Variants in MANEAL observed in about 807,000 individuals in gnomAD.
MANEAL encodes glycoprotein endo-alpha-1,2-mannosidase-like protein.
MANEAL carries 28 observed loss-of-function variants against 35.9 expected under a neutral mutation model. The ratio of observed to expected loss-of-function variants is 0.78; its 90% CI spans 0.58 to 1.07. The LOEUF (loss-of-function observed/expected upper bound fraction) is 1.07, where lower values mean the gene tolerates loss of function less well. Among genes scored for constraint, MANEAL ranks in the 50% least tolerant of loss-of-function variants. The pLI is 0.00. For missense variants in MANEAL, 576 were observed against 629.6 expected, an observed-to-expected ratio of 0.91 and a Z score of 0.91; for synonymous variants, 286 against 272.2, an observed-to-expected ratio of 1.05 and a Z score of -0.50.
Position 37,794,508 on chromosome 1 carries a change from A to G in MANEAL, c.326A>G (p.Tyr109Cys), listed in dbSNP as rs1285446559. The G allele has an allele frequency of 1.2e-6, 2 of 1,609,410 alleles. No homozygotes were observed. Among genetic ancestry groups the G allele is most frequent in the Non-Finnish European group, 1.7e-6 (2 of 1,178,868 alleles). Residue 109 changes from tyrosine (Y) to cysteine (C), a missense_variant, in exon 1 of 4, where the codon TAC (tyrosine) becomes TGC (cysteine). Physicochemically the swap from Tyr to Cys is radical, Grantham distance 194. Coordinates refer to ENST00000373045, the MANE Select transcript of MANEAL (RefSeq NM_001113482.2). This position sits in a 1 kb window ranked among gnomAD's most constrained non-coding sequence, Gnocchi z 5.7. ...GTCTACTCGGACCTGCACGCCTTCT[A>G]CTACTCGTGGTACGGGAGCCCGCGG... is the stretch of plus-strand genomic sequence containing the variant. ...LRVYSDLHAF[Y>C]YSWYGSPRRE...
chr1:37,795,903 C>T (rs2148384643), intron 2 of MANEAL, 57 bp downstream of exon 2: 1 of 1,492,810 alleles, frequency 6.7e-7, no homozygotes. Flanking sequence ...AGTTGCTCTC[C>T]TCCGCCCACA....
chr1:37,800,263 G>T lies in MANEAL; in HGVS notation c.*60G>T. The T allele has an allele frequency of 1.3e-6, 2 of 1,576,746 alleles. No individual in the cohort carries two copies. Among genetic ancestry groups the T allele is most frequent in the South Asian group, 2.3e-5 (2 of 87,496 alleles). Reference sequence around the variant, plus strand: ...TTGCCTTGCTGGAAGATGTCACCATGTGGGGTTCAGCTGAGGTTGTAGCCA... The same window carrying T: ...TTGCCTTGCTGGAAGATGTCACCATTTGGGGTTCAGCTGAGGTTGTAGCCA... On this transcript the variant is annotated 3_prime_UTR_variant, in exon 4 of 4. Transcript: ENST00000373045.
At chr1:37,798,658 A>G (rs1481084935) in intron 3 of MANEAL, among the ~76,000 whole-genome samples, 2 of 152,116 alleles carry the variant, frequency 1.3e-5, no homozygotes, top group Admixed American at 6.5e-5. Flanking sequence ...ACTTGAGCCC[A>G]GGAGTTTGAG....
intron 3 of MANEAL, among the ~76,000 whole-genome samples, chr1:37,797,705 CTAAGG>C (rs1046139447): frequency 6.6e-6 from 1 of 152,112 alleles, no homozygotes; most frequent in Admixed American, 6.5e-5. Flanking sequence ...ACTTGGGGGG[CTAAGG>C]TGAGTGGATC....
Position 37,794,822 on chromosome 1 carries a change from C to T in MANEAL, c.550+90C>T. Reference sequence around the variant, plus strand: ...AGCTCCCTCTGGTCCTGTCACCGGCCCTTTGGTCCCACTTATCCGCCAGCC... The same window carrying T: ...AGCTCCCTCTGGTCCTGTCACCGGCTCTTTGGTCCCACTTATCCGCCAGCC... On this transcript the variant is annotated intron_variant, in intron 1 of 3. Coordinates refer to ENST00000373045, the MANE Select transcript of MANEAL (RefSeq NM_001113482.2). This position sits in a 1 kb window ranked among gnomAD's most constrained non-coding sequence, Gnocchi z 5.7. The T allele has an allele frequency of 1.2e-6, 1 of 868,854 alleles. No homozygotes were observed. The highest frequency in any genetic ancestry group is 1.8e-6 in the Non-Finnish European group (1 of 564,230). 53.8% of individuals were successfully genotyped at this position (868,854 alleles called of 1,614,324 possible). A position where few individuals can be genotyped will look rare whatever the true frequency, so the allele number is the denominator to read the frequency against.
chr1:37,799,262 TG>T lies in MANEAL; in HGVS notation c.738-302del, dbSNP rs1399586885. On this transcript the variant is annotated intron_variant, in intron 3 of 3. Coordinates refer to ENST00000373045, the MANE Select transcript of MANEAL (RefSeq NM_001113482.2). This position sits in a 1 kb window ranked among gnomAD's most constrained non-coding sequence, Gnocchi z 4.1. ...AGTAGGCAGGGCCAGATCAAGTAGG[TG>T]GGAATAATGAATGGATTATATGGAG... Among the ~76,000 whole-genome samples the T allele has an allele frequency of 6.6e-6, 1 of 151,612 alleles. No individual in the cohort carries two copies. The highest frequency in any genetic ancestry group is 1.5e-5 in the Non-Finnish European group (1 of 67,886).
chr1:37,798,162 CA>C (rs996976575), intron 3 of MANEAL, among the ~76,000 whole-genome samples: 1 of 150,242 alleles, frequency 6.7e-6, no homozygotes, highest in African/African-American at 2.5e-5. Flanking sequence ...AAAAAACAAA[CA>C]AAAAAAAAGA....
In MANEAL at chr1:37,799,543, G is replaced by A. The variant is rs368550620; in HGVS notation, c.738-24G>A. The A allele has an allele frequency of 6.2e-7, 1 of 1,604,244 alleles. No homozygotes were observed. The highest frequency in any genetic ancestry group is 1.3e-5 in the African/African-American group (1 of 74,754). On this transcript the variant is annotated intron_variant, in intron 3 of 3. Coordinates refer to ENST00000373045, the MANE Select transcript of MANEAL (RefSeq NM_001113482.2). The surrounding 1 kb of genome is among the most constrained non-coding windows in gnomAD (Gnocchi z 4.1). ...CTGTGCTGGTCTCTCCCATCCAGCT[G>A]AGGCTCTTCTTTCTCCTTCTCAGGT... is the stretch of plus-strand genomic sequence containing the variant.
intron 2 of MANEAL, among the ~76,000 whole-genome samples, chr1:37,796,204 G>A (rs749194954): frequency 2.9e-4 from 44 of 152,168 alleles, no homozygotes; most frequent in Non-Finnish European, 4.7e-4. Context: ...GCTGGACCTC[G>A]AGGAGTAGGC....
chr1:37,800,485 C>A lies in MANEAL; in HGVS notation c.*282C>A, dbSNP rs897801506. ...CATCCTGGGAACACTTTCATGTAAC[C>A]CCTTCTAGTTTTGAACTCTGCAGCA... On this transcript the variant is annotated 3_prime_UTR_variant, in exon 4 of 4. Transcript: ENST00000373045. The A allele has an allele frequency of 1.8e-5, 9 of 492,104 alleles. No individual in the cohort carries two copies. Among genetic ancestry groups the A allele is most frequent in the African/African-American group, 1.7e-4 (9 of 51,728 alleles). The allele number at this position is 492,104 out of a possible 1,614,324, so 30.5% of individuals were successfully genotyped here. A position where few individuals can be genotyped will look rare whatever the true frequency, so the allele number is the denominator to read the frequency against.
At chr1:37,795,401 G>A in intron 1 of MANEAL, 2 of 756,986 alleles carry the variant, frequency 2.6e-6, no homozygotes, top group African/African-American at 1.8e-5. Flanking sequence ...GGTTAGGGGT[G>A]CTTCTCTTCT....
chr1:37,794,744 C>G lies in MANEAL; in HGVS notation c.550+12C>G. On this transcript the variant is annotated intron_variant, in intron 1 of 3. Coordinates refer to ENST00000373045, the MANE Select transcript of MANEAL (RefSeq NM_001113482.2). This position sits in a 1 kb window ranked among gnomAD's most constrained non-coding sequence, Gnocchi z 5.7. ...GGAAGCCGCCATCGGTGAGCGCCCC[C>G]CACCCCGGGCGGCCCTGCCCCCCAG... The G allele has an allele frequency of 3.9e-6, 6 of 1,536,996 alleles. No individual in the cohort carries two copies. The highest frequency in any genetic ancestry group is 5.3e-6 in the Non-Finnish European group (6 of 1,141,664).
In MANEAL at chr1:37,799,721, G is replaced by T. The variant is rs1054222973; in HGVS notation, c.892G>T (p.Asp298Tyr). ...GPHSIRNTPY[D>Y]GVFIALLVEE... Reference sequence around the variant, plus strand: ...CCATTCGATCCGCAACACGCCCTACGATGGGGTCTTCATAGCGCTGCTGGT... The same window carrying T: ...CCATTCGATCCGCAACACGCCCTACTATGGGGTCTTCATAGCGCTGCTGGT... The change falls in exon 4 of 4, where the codon GAT (aspartate) becomes TAT (tyrosine). Residue 298 changes from aspartate (D) to tyrosine (Y), a missense_variant. Around this residue, in one of 3 missense-constraint regions of MANEAL, gnomAD observed 449 missense variants for 516.1 expected, o/e 0.87. Coordinates refer to ENST00000373045, the MANE Select transcript of MANEAL (RefSeq NM_001113482.2). This position sits in a 1 kb window ranked among gnomAD's most constrained non-coding sequence, Gnocchi z 4.1. 3 of 1,614,096 alleles carry T rather than the reference G, an allele frequency of 1.9e-6. No homozygotes were observed. Among genetic ancestry groups the T allele is most frequent in the Non-Finnish European group, 2.5e-6 (3 of 1,180,048 alleles).
In MANEAL at chr1:37,799,705, C is replaced by T; in HGVS notation, c.876C>T (p.Ile292=). 2 of 1,614,234 alleles carry T rather than the reference C, an allele frequency of 1.2e-6. No individual in the cohort carries two copies. Among genetic ancestry groups the T allele is most frequent in the Non-Finnish European group, 1.7e-6 (2 of 1,180,048 alleles). The change falls in exon 4 of 4, where the codon ATC becomes ATT. Residue 292 remains isoleucine, a synonymous_variant. Transcript: ENST00000373045. This position sits in a 1 kb window ranked among gnomAD's most constrained non-coding sequence, Gnocchi z 4.1. ...TGACACCAAACGGGCCCCATTCGAT[C>T]CGCAACACGCCCTACGATGGGGTCT... ...HLLTPNGPHS[I]RNTPYDGVFI...
At chr1:37,797,724 T>G (rs1191636802) in intron 3 of MANEAL, among the ~76,000 whole-genome samples, 1 of 152,064 alleles carries the variant, frequency 6.6e-6, no homozygotes, top group Non-Finnish European at 1.5e-5. Flanking sequence ...GTGGATCACT[T>G]GAGCTCAGAA....
In MANEAL at chr1:37,794,646, G is replaced by A; in HGVS notation, c.464G>A (p.Ser155Asn). ...AGCCCCCCAGACGACTTGGGCTCCA[G>A]CTTCTACCCGGAGCTGGGGCCCTAC... Reference protein sequence around the residue: ...RHSPPDDLGSSFYPELGPYSS... With the variant: ...RHSPPDDLGSNFYPELGPYSS... The change falls in exon 1 of 4, where the codon AGC becomes AAC. Residue 155 changes from serine (S) to asparagine (N), a missense_variant. Physicochemically the swap from Ser to Asn is conservative, Grantham distance 46. This residue lies in a region of MANEAL where 449 missense variants were observed against 516.1 expected (regional missense o/e 0.87). Coordinates refer to ENST00000373045, the MANE Select transcript of MANEAL (RefSeq NM_001113482.2). This position sits in a 1 kb window ranked among gnomAD's most constrained non-coding sequence, Gnocchi z 5.7. The A allele has an allele frequency of 6.2e-7, 1 of 1,610,536 alleles. No homozygotes were observed.
In MANEAL at chr1:37,799,966, C is replaced by A. The variant is rs1240731976; in HGVS notation, c.1137C>A (p.Val379=). The A allele has an allele frequency of 6.8e-6, 11 of 1,614,112 alleles. No homozygotes were observed. The highest frequency in any genetic ancestry group is 1.3e-5 in the African/African-American group (1 of 74,936). ...ACAACCACAATACGCGCAACAGGGTCAATGGCAAGTACTATGAGACGGCCC... is the reference window on the plus strand; with the variant it reads ...ACAACCACAATACGCGCAACAGGGTAAATGGCAAGTACTATGAGACGGCCC... ...PWNNHNTRNR[V]NGKYYETALQ... Residue 379 remains valine (V), a synonymous_variant, in exon 4 of 4, where the codon GTC becomes GTA. Transcript: ENST00000373045. The surrounding 1 kb of genome is among the most constrained non-coding windows in gnomAD (Gnocchi z 4.1).
In MANEAL at chr1:37,799,504, G is replaced by A. The variant is rs1056912554; in HGVS notation, c.738-63G>A. 60 of 1,538,818 alleles carry A rather than the reference G, an allele frequency of 3.9e-5. No homozygotes were observed. In the South Asian group the frequency reaches 5.2e-4, roughly 13 times the overall value. On this transcript the variant is annotated intron_variant, in intron 3 of 3. Coordinates refer to ENST00000373045, the MANE Select transcript of MANEAL (RefSeq NM_001113482.2). This position sits in a 1 kb window ranked among gnomAD's most constrained non-coding sequence, Gnocchi z 4.1. ...TGTGTTGCATCCGTATCTCATCCAC[G>A]GGAGGTCCTACAGCTGTGCTGGTCT...
chr1:37,800,293 C>T lies in MANEAL; in HGVS notation c.*90C>T, dbSNP rs1460359654. ...GTTCAGCTGAGGTTGTAGCCACTCA[C>T]TCGTTCCCAGGTCAGAGGTCAGCAG... On this transcript the variant is annotated 3_prime_UTR_variant, in exon 4 of 4. Transcript: ENST00000373045. 1 of 1,493,270 alleles carries T rather than the reference C, an allele frequency of 6.7e-7. No homozygotes were observed. Among genetic ancestry groups the T allele is most frequent in the African/African-American group, 1.4e-5 (1 of 72,656 alleles). The allele number at this position is 1,493,270 out of a possible 1,614,324, so 92.5% of individuals were successfully genotyped here.
Sources: gnomAD v4.1 joint callset for allele counts (sites outside exome capture counted in the v4.1 genomes callset) on GRCh38, gnomAD v4.1.1 for gene constraint, gnomAD v4.1.1 regional missense constraint, Gnocchi (gnomAD v3.1) non-coding constraint, MANE v1.5 for transcripts, NCBI Gene and HGNC (gene_info 2026-07-23, HGNC 2026-07-21) for gene names.